The following ZNF385D variants were observed in gnomAD, a reference collection of about 807,000 sequenced individuals.
ZNF385D encodes the protein zinc finger protein 385D.
Under a neutral mutation model 35.8 loss-of-function variants are expected in ZNF385D, and 15 were observed. The ratio of observed to expected loss-of-function variants is 0.42; its 90% confidence interval spans 0.28 to 0.64. The LOEUF (loss-of-function observed/expected upper bound fraction) is 0.64. Among genes scored for constraint, ZNF385D ranks in the 30% least tolerant of loss-of-function variants. The pLI, the probability that ZNF385D is intolerant of heterozygous loss-of-function variation, is 0.23. For synonymous variants in ZNF385D, 212 were observed against 186.8 expected, an observed-to-expected ratio of 1.13 and a Z score of -1.10; for missense variants, 474 against 494.6, an observed-to-expected ratio of 0.96 and a Z score of 0.39.
chr3:22,302,545 T>C (rs932666915), intron 2 of ZNF385D, among the ~76,000 whole-genome samples: 1 of 152,124 alleles, frequency 6.6e-6, no homozygotes, highest in Non-Finnish European at 1.5e-5. Flanking sequence ...ATTATAACAC[T>C]TACTCTAGAT....
At position 21,417,318 on chromosome 3, in the gene ZNF385D, T is replaced by C. The variant is rs111497260; in HGVS notation, c.*3896A>G. 1.2e-4 allele frequency: 19 copies of C among 152,226 alleles called. No individual in the cohort carries two copies. Among genetic ancestry groups the C allele is most frequent in the Admixed American group, 8.5e-4 (13 of 15,276 alleles). The allele number at this position is 152,226 out of a possible 1,614,324, so 9.4% of individuals were successfully genotyped here. On this transcript the variant is annotated 3_prime_UTR_variant, in exon 8 of 8. Coordinates refer to ENST00000281523, the MANE Select transcript of ZNF385D (RefSeq NM_024697.3). ...TTAAGGGCAAGGCATTAGTTGACTATTTAAGTTACCCTGTTGGTCAGGGAC... is the reference window on the plus strand; with the variant it reads ...TTAAGGGCAAGGCATTAGTTGACTACTTAAGTTACCCTGTTGGTCAGGGAC...
At chr3:21,808,796 G>A (rs1480595506) in intron 3 of ZNF385D, among the ~76,000 whole-genome samples, 1 of 152,140 alleles carries the variant, frequency 6.6e-6, no homozygotes, top group African/African-American at 2.4e-5. Flanking sequence ...AATCCAACCA[G>A]AATCCACACA....
At chr3:21,556,137 G>A (rs2062735736) in intron 3 of ZNF385D, among the ~76,000 whole-genome samples, 1 of 145,528 alleles carries the variant, frequency 6.9e-6, no homozygotes, top group Non-Finnish European at 1.5e-5. Context: ...TTATCAGATG[G>A]ATAGATTGCA....
rs531706166 is a variant in ZNF385D, at chr3:22,042,020, T to G, written c.325+126797A>C. 2.0e-5 allele frequency among the ~76,000 whole-genome samples: 3 copies of G among 152,270 alleles called. No homozygotes were observed. In the East Asian group the frequency reaches 5.8e-4, roughly 29 times the overall value. The stretch of plus-strand genomic sequence containing the variant: ...CCTTACAAAAGTTGGAAATGTGTTT[T>G]AATAGGAGAAACATAGTGGTGTTAA... On this transcript the variant is annotated intron_variant, in intron 3 of 5. Coordinates refer to the ZNF385D transcript ENST00000494108.
chr3:21,810,371 G>C (rs909405076), intron 3 of ZNF385D, among the ~76,000 whole-genome samples: 1 of 150,912 alleles, frequency 6.6e-6, no homozygotes, highest in Non-Finnish European at 1.5e-5. Flanking sequence ...TCTGGGGCCT[G>C]TCGGGGGTGG....
At chr3:22,185,095 A>G (rs1695540721) in intron 2 of ZNF385D, among the ~76,000 whole-genome samples, 1 of 152,208 alleles carries the variant, frequency 6.6e-6, no homozygotes, top group Non-Finnish European at 1.5e-5. Context: ...AGTTCACTGT[A>G]TCTATAATCT....
At chr3:21,585,894 C>T (rs553347478) in intron 2 of ZNF385D, among the ~76,000 whole-genome samples, 9 of 152,174 alleles carry the variant, frequency 5.9e-5, no homozygotes, top group East Asian at 1.9e-4. Flanking sequence ...CCTGGCCTGG[C>T]GCAGTAGCTC....
At chr3:21,458,330 C>T (rs1408578372) in intron 4 of ZNF385D, among the ~76,000 whole-genome samples, 1 of 134,058 alleles carries the variant, frequency 7.5e-6, no homozygotes, top group Non-Finnish European at 1.6e-5. Flanking sequence ...AAAAAAAAAG[C>T]AAATTATCCA....
chr3:21,963,500 T>C (rs1203153606), intron 3 of ZNF385D, among the ~76,000 whole-genome samples: 2 of 152,202 alleles, frequency 1.3e-5, no homozygotes, highest in Non-Finnish European at 2.9e-5. Flanking sequence ...ATTCTGAACA[T>C]AGTAATCCAT....
chr3:21,952,130 A>T lies in ZNF385D; in HGVS notation c.325+216687T>A, dbSNP rs552254356. 1.1e-3 allele frequency among the ~76,000 whole-genome samples: 167 copies of T among 148,720 alleles called. No homozygotes were observed. The South Asian group carries it at 0.016, about 14-fold the overall frequency. Reference sequence around the variant, plus strand: ...CCAGAATGTTGCCTTCAATTGTTATATGTGATGTAAATATGATGTAGTAAC... The same window carrying T: ...CCAGAATGTTGCCTTCAATTGTTATTTGTGATGTAAATATGATGTAGTAAC... On this transcript the variant is annotated intron_variant, in intron 3 of 5. Transcript: ENST00000494108.
intron 2 of ZNF385D, among the ~76,000 whole-genome samples, chr3:22,362,908 G>C (rs530674255): frequency 6.6e-6 from 1 of 151,960 alleles, no homozygotes; most frequent in Admixed American, 6.6e-5. Flanking sequence ...CTTTGTTCAA[G>C]GCACTGACAG....
At chr3:21,494,562 G>A (rs147968849) in intron 4 of ZNF385D, among the ~76,000 whole-genome samples, 92 of 152,260 alleles carry the variant, frequency 6.0e-4, no homozygotes, top group African/African-American at 2.1e-3. Flanking sequence ...GAATCAAAAC[G>A]CCACTCAAAC....
intron 3 of ZNF385D, among the ~76,000 whole-genome samples, chr3:22,066,460 C>CAGTG (rs1699958066): frequency 2.0e-5 from 1 of 48,902 alleles, no homozygotes; most frequent in Non-Finnish European, 3.7e-5. Context: ...AGATGGTTCC[C>CAGTG]CGTGTGTGTG....
intron 1 of ZNF385D, among the ~76,000 whole-genome samples, chr3:21,697,094 T>C (rs988774361): frequency 6.6e-6 from 1 of 152,154 alleles, no homozygotes. Flanking sequence ...TAGAAATCCA[T>C]TAACTGGCTG....
chr3:21,692,097 ATATATAT>A (rs1217476414), intron 1 of ZNF385D, among the ~76,000 whole-genome samples: 2 of 152,176 alleles, frequency 1.3e-5, no homozygotes, highest in African/African-American at 4.8e-5. Context: ...TCCACTGCAC[ATATATAT>A]TATAATTTGC....
intron 3 of ZNF385D, among the ~76,000 whole-genome samples, chr3:22,028,749 G>C (rs1697725318): frequency 2.6e-5 from 4 of 152,102 alleles, no homozygotes. Context: ...GTGTGGCAGT[G>C]GGCTCAGATT....
chr3:22,198,037 CAT>C (rs1277515733), intron 2 of ZNF385D, among the ~76,000 whole-genome samples: 5 of 151,978 alleles, frequency 3.3e-5, no homozygotes, highest in Non-Finnish European at 5.9e-5. Flanking sequence ...CTTTTCAACA[CAT>C]ATGTATTCAT....
chr3:21,580,442 A>G (rs1192820482), intron 2 of ZNF385D, among the ~76,000 whole-genome samples: 1 of 152,216 alleles, frequency 6.6e-6, no homozygotes, highest in Non-Finnish European at 1.5e-5. Context: ...AAATTAAACA[A>G]TGGCACATTG....
intron 2 of ZNF385D, among the ~76,000 whole-genome samples, chr3:21,594,587 A>G (rs1328207093): frequency 2.0e-5 from 3 of 152,146 alleles, no homozygotes; most frequent in Non-Finnish European, 2.9e-5. Context: ...GCCTGAGTAG[A>G]TAACTGATGG....
Sources: gnomAD v4.1 joint callset for allele counts (sites outside exome capture counted in the v4.1 genomes callset) on GRCh38, gnomAD v4.1.1 for gene constraint, MANE v1.5 for transcripts, NCBI Gene and HGNC (gene_info 2026-07-23, HGNC 2026-07-21) for gene names.